ALPK1: variants seen among roughly 807,000 people sequenced by gnomAD.
ALPK1 encodes the protein alpha-protein kinase 1.
ALPK1 carries 110 observed loss-of-function variants against 120.6 expected under a neutral mutation model. That is an observed-to-expected ratio of 0.91 (90% CI 0.78 to 1.07). The LOEUF (loss-of-function observed/expected upper bound fraction) is 1.07, where lower values mean the gene tolerates loss of function less well. Among genes scored for constraint, ALPK1 ranks in the 50% least tolerant of loss-of-function variants. The pLI is 0.00. For missense variants in ALPK1, 1,498 were observed against 1,483.9 expected (o/e 1.01, Z -0.16); for synonymous variants, 582 against 560.3 (o/e 1.04, Z -0.55).
intron 4 of ALPK1, among the ~76,000 whole-genome samples, chr4:112,395,805 A>G (rs1210459459): frequency 1.3e-5 from 2 of 152,200 alleles, no homozygotes; most frequent in Non-Finnish European, 2.9e-5. Context: ...TATGTGTCAA[A>G]GATGTGTAGA....
At chr4:112,396,689 A>G (rs1015468843) in intron 4 of ALPK1, among the ~76,000 whole-genome samples, 2 of 152,156 alleles carry the variant, frequency 1.3e-5, no homozygotes. Context: ...ACAATATGTT[A>G]TTATTTATTG....
intron 2 of ALPK1, among the ~76,000 whole-genome samples, chr4:112,349,847 C>T (rs565611416): frequency 4.5e-4 from 68 of 152,210 alleles, no homozygotes; most frequent in Non-Finnish European, 8.2e-4. Flanking sequence ...CCACCACGCC[C>T]GGCCTACATT....
chr4:112,365,133 G>A (rs550977091), intron 2 of ALPK1, among the ~76,000 whole-genome samples: 8 of 152,116 alleles, frequency 5.3e-5, no homozygotes, highest in East Asian at 1.9e-4. Flanking sequence ...AGCATTCCCC[G>A]AGAGCTGGAA....
intron 2 of ALPK1, among the ~76,000 whole-genome samples, chr4:112,326,096 T>C (rs1051830112): frequency 2.0e-5 from 3 of 152,220 alleles, no homozygotes; most frequent in Admixed American, 2.0e-4. Flanking sequence ...CATCATCCCT[T>C]TATCTTTGAA....
chr4:112,329,335 A>G (rs1240147647), intron 2 of ALPK1, among the ~76,000 whole-genome samples: 1 of 152,166 alleles, frequency 6.6e-6, no homozygotes, highest in East Asian at 1.9e-4. Flanking sequence ...TACCAATCAA[A>G]CTCTGAAGAG....
intron 4 of ALPK1, among the ~76,000 whole-genome samples, chr4:112,396,623 A>T (rs1220926248): frequency 6.6e-6 from 1 of 152,164 alleles, no homozygotes; most frequent in African/African-American, 2.4e-5. Context: ...AATTTTCTTT[A>T]TATTTTGAGA....
At chr4:112,312,735 G>T (rs954560726) in intron 1 of ALPK1, among the ~76,000 whole-genome samples, 1 of 152,210 alleles carries the variant, frequency 6.6e-6, no homozygotes, top group African/African-American at 2.4e-5. Flanking sequence ...GAAAAAGGAA[G>T]TCACAGTGAA....
At chr4:112,417,050 C>G (rs1460021000) in intron 5 of ALPK1, among the ~76,000 whole-genome samples, 1 of 151,952 alleles carries the variant, frequency 6.6e-6, no homozygotes, top group African/African-American at 2.4e-5. Flanking sequence ...GTCCAGAAAG[C>G]AAGAGAATCT....
intron 2 of ALPK1, among the ~76,000 whole-genome samples, chr4:112,370,321 CT>C (rs1731347004): frequency 6.6e-6 from 1 of 152,042 alleles, no homozygotes; most frequent in South Asian, 2.1e-4. Context: ...GTGTATCACT[CT>C]AACTTTTTTG....
chr4:112,390,384 A>G (rs1732353839), intron 4 of ALPK1, among the ~76,000 whole-genome samples: 1 of 152,136 alleles, frequency 6.6e-6, no homozygotes, highest in African/African-American at 2.4e-5. Flanking sequence ...CTTCCTCAAT[A>G]TAGGCTTGGC....
intron 5 of ALPK1, among the ~76,000 whole-genome samples, chr4:112,415,685 A>G (rs913732054): frequency 6.6e-6 from 1 of 151,978 alleles, no homozygotes; most frequent in Non-Finnish European, 1.5e-5. Context: ...AGAGAAAGTA[A>G]TAGTAATTGA....
chr4:112,359,210 C>T, intron 2 of ALPK1: 1 of 590,544 alleles, frequency 1.7e-6, no homozygotes, highest in South Asian at 1.8e-5. Context: ...ACCCTGGCAG[C>T]CACCCACAGT....
intron 2 of ALPK1, among the ~76,000 whole-genome samples, chr4:112,324,520 C>T (rs566479204): frequency 5.3e-5 from 8 of 151,904 alleles, no homozygotes; most frequent in Non-Finnish European, 1.2e-4. Flanking sequence ...CTCTATTGTC[C>T]TGGATGGAGT....
intron 2 of ALPK1, among the ~76,000 whole-genome samples, chr4:112,354,563 G>C (rs1730513709): frequency 1.3e-5 from 2 of 152,190 alleles, no homozygotes; most frequent in South Asian, 4.2e-4. Context: ...CGCCTCCCAG[G>C]TTCAAGTGAA....
intron 4 of ALPK1, among the ~76,000 whole-genome samples, chr4:112,409,941 A>G (rs1733377201): frequency 6.6e-6 from 1 of 152,214 alleles, no homozygotes; most frequent in African/African-American, 2.4e-5. Flanking sequence ...TACTTAATAA[A>G]CACATTGGCA....
chr4:112,318,002 C>T (rs1289912369), intron 2 of ALPK1, among the ~76,000 whole-genome samples: 32 of 151,962 alleles, frequency 2.1e-4, no homozygotes, highest in Admixed American at 1.6e-3. Context: ...TAGATACTAT[C>T]GTCATAAAAA....
rs929976252 is a variant in ALPK1, at chr4:112,431,754, C to T, written c.2207C>T (p.Pro736Leu). 5.6e-6 allele frequency: 9 copies of T among 1,614,090 alleles called. No individual in the cohort carries two copies. The highest frequency in any genetic ancestry group is 2.7e-5 in the African/African-American group (2 of 74,932). The change falls in exon 11 of 16, where the codon CCT becomes CTT. Residue 736 changes from proline to leucine, a missense_variant. Transcript: ENST00000650871. ...SGRPKNMGTHPSVQKEEAFEI... is the reference protein window; with the variant it reads ...SGRPKNMGTHLSVQKEEAFEI... Reference sequence around the variant, plus strand: ...AGGCCCAAGAATATGGGCACACATCCTTCAGTCCAAAAAGAAGAAGCCTTT... The same window carrying T: ...AGGCCCAAGAATATGGGCACACATCTTTCAGTCCAAAAAGAAGAAGCCTTT...
At chr4:112,304,952 T>C (rs1043160512) in intron 1 of ALPK1, among the ~76,000 whole-genome samples, 1 of 152,122 alleles carries the variant, frequency 6.6e-6, no homozygotes, top group African/African-American at 2.4e-5. Flanking sequence ...GGATCCAGTT[T>C]CAGTTTTCTA....
chr4:112,387,615 G>C (rs982812357), intron 4 of ALPK1, among the ~76,000 whole-genome samples: 13 of 152,168 alleles, frequency 8.5e-5, no homozygotes, highest in African/African-American at 3.1e-4. Flanking sequence ...TAATCTGATA[G>C]CCCTGATGTT....
Sources: gnomAD v4.1 joint callset for allele counts (sites outside exome capture counted in the v4.1 genomes callset) on GRCh38, gnomAD v4.1.1 for gene constraint, MANE v1.5 for transcripts, NCBI Gene and HGNC (gene_info 2026-07-23, HGNC 2026-07-21) for gene names.